Variants in PANK1 observed in about 807,000 individuals in gnomAD.
PANK1 encodes pantothenic acid kinase 1.
Under a neutral mutation model 40.1 loss-of-function variants are expected in PANK1, and 18 were observed. The ratio of observed to expected loss-of-function variants is 0.45; its 90% CI spans 0.31 to 0.67. The LOEUF (loss-of-function observed/expected upper bound fraction) is 0.67. Ranked by LOEUF, PANK1 falls within the 30% of genes least tolerant of loss-of-function variation. The probability of loss-of-function intolerance (pLI) is 0.06; values close to 1 mark genes in which losing one functional copy is unlikely to be tolerated. For synonymous variants in PANK1, 242 were observed against 237.7 expected (o/e 1.02, Z -0.17); for missense variants, 457 against 599.6 (o/e 0.76, Z 2.48).
intron 1 of PANK1, among the ~76,000 whole-genome samples, chr10:89,619,130 A>G (rs1845406793): frequency 6.6e-6 from 1 of 152,268 alleles, no homozygotes; most frequent in Admixed American, 6.5e-5. Flanking sequence ...ATTTCTGTCT[A>G]AAAATTTCTT....
chr10:89,607,611 A>G lies in PANK1; in HGVS notation c.645+4085T>C, dbSNP rs12573380. Among the ~76,000 whole-genome samples, 25 of 152,378 alleles carry G rather than the reference A, an allele frequency of 1.6e-4. No homozygotes were observed. In the East Asian group the frequency reaches 4.6e-3, roughly 28 times the overall value. On this transcript the variant is annotated intron_variant, in intron 2 of 6. Coordinates refer to ENST00000307534, the MANE Select transcript of PANK1 (RefSeq NM_148977.3). ...TACAACAAGGTATGCCTGTATTGCA[A>G]TGAAAAGCTATATGGGCAGAATTAA... is the stretch of plus-strand genomic sequence containing the variant.
At position 89,595,442 on chromosome 10, in the gene PANK1, G is replaced by A. The variant is rs529259500; in HGVS notation, c.900-1453C>T. 4.6e-5 allele frequency among the ~76,000 whole-genome samples: 7 copies of A among 151,384 alleles called. No individual in the cohort carries two copies. In the East Asian group the frequency reaches 5.9e-4, roughly 13 times the overall value. On this transcript the variant is annotated intron_variant, in intron 3 of 6. Transcript: ENST00000307534. The stretch of plus-strand genomic sequence containing the variant: ...CTCCAGCCTGGGCGACAGACACAGC[G>A]AGACTCCATCTCAAAAAATAATAAA...
chr10:89,586,924 C>G (rs1049575165), intron 6 of PANK1, among the ~76,000 whole-genome samples: 2 of 151,980 alleles, frequency 1.3e-5, no homozygotes, highest in African/African-American at 2.4e-5. Flanking sequence ...GTCAGGAGTT[C>G]GAGACCATCC....
At chr10:89,603,746 G>A (rs897788520) in intron 2 of PANK1, among the ~76,000 whole-genome samples, 1 of 152,140 alleles carries the variant, frequency 6.6e-6, no homozygotes, top group African/African-American at 2.4e-5. Flanking sequence ...TCACCTGGAG[G>A]GTTGGTTAAA....
chr10:89,639,078 C>T, intron 1 of PANK1: 1 of 283,330 alleles, frequency 3.5e-6, no homozygotes, highest in Non-Finnish European at 7.7e-6. Context: ...TGTCTTTGTC[C>T]AGTTTGTGTT....
At chr10:89,597,452 A>T (rs1844645735) in intron 3 of PANK1, among the ~76,000 whole-genome samples, 1 of 152,218 alleles carries the variant, frequency 6.6e-6, no homozygotes. Flanking sequence ...GAGAGTTTAT[A>T]GGGAAGCTTG....
chr10:89,602,739 C>G (rs1844824486), intron 2 of PANK1, among the ~76,000 whole-genome samples: 1 of 152,162 alleles, frequency 6.6e-6, no homozygotes, highest in Non-Finnish European at 1.5e-5. Flanking sequence ...AAGGCCTTGA[C>G]TAGATGTAGA....
chr10:89,624,992 A>G lies in PANK1; in HGVS notation c.293-12944T>C, dbSNP rs534978783. Among the ~76,000 whole-genome samples the G allele has an allele frequency of 5.0e-4, 76 of 152,314 alleles. 1 individual carries two copies. Among genetic ancestry groups the G allele is most frequent in the Middle Eastern group, 3.4e-3 (1 of 294 alleles). On this transcript the variant is annotated intron_variant, in intron 1 of 6. Coordinates refer to ENST00000307534, the MANE Select transcript of PANK1 (RefSeq NM_148977.3). ...CAGCTCACTGCAGCCTCAACTTCCC[A>G]GGCTCAAGTGATCCTCCCACCTCAG... is the stretch of plus-strand genomic sequence containing the variant.
At chr10:89,628,541 A>G (rs1229564670) in intron 1 of PANK1, among the ~76,000 whole-genome samples, 1 of 152,200 alleles carries the variant, frequency 6.6e-6, no homozygotes, top group African/African-American at 2.4e-5. Flanking sequence ...GAAAAAGAGG[A>G]GTGACTGCTA....
intron 5 of PANK1, among the ~76,000 whole-genome samples, chr10:89,590,723 C>T (rs898660085): frequency 1.2e-4 from 18 of 151,988 alleles, no homozygotes; most frequent in Middle Eastern, 3.4e-3. Context: ...TGTTAAAATG[C>T]TATATGGCCA....
intron 2 of PANK1, 51 bp downstream of exon 2, chr10:89,611,645 T>G (rs1169462242): frequency 2.2e-6 from 3 of 1,346,930 alleles, no homozygotes; most frequent in Non-Finnish European, 3.1e-6. Flanking sequence ...TGGCCATGAT[T>G]ATGGACATGT....
chr10:89,614,115 T>C, intron 1 of PANK1: 7 of 438,522 alleles, frequency 1.6e-5, no homozygotes, highest in South Asian at 1.1e-4. Flanking sequence ...TCCCTGGAAA[T>C]ATACTATGGC....
rs10881609 is a variant in PANK1, at chr10:89,615,072, G to A, written c.293-3024C>T. On this transcript the variant is annotated intron_variant, in intron 1 of 6. Coordinates refer to ENST00000307534, the MANE Select transcript of PANK1 (RefSeq NM_148977.3). ...ATTTACAGGAGTGGCAGAATGAGCA[G>A]GTTGTATAGTTGGTGGCTAGAGATC... Among the ~76,000 whole-genome samples the A allele has an allele frequency of 4.1e-4, 62 of 152,284 alleles. No individual in the cohort carries two copies. In the East Asian group the frequency reaches 9.2e-3, roughly 23 times the overall value.
chr10:89,644,979 TC>T lies in PANK1; in HGVS notation c.-89del. On this transcript the variant is annotated 5_prime_UTR_variant, in exon 1 of 7. Coordinates refer to ENST00000307534, the MANE Select transcript of PANK1 (RefSeq NM_148977.3). ...CCGGCGTCTTTATTTCCCCGGATCC[TC>T]CCTGCGGCTTCCGATTCAGCAGCCG... 2 of 1,576,462 alleles carry T rather than the reference TC, an allele frequency of 1.3e-6. No homozygotes were observed. The highest frequency in any genetic ancestry group is 1.7e-6 in the Non-Finnish European group (2 of 1,164,446).
At chr10:89,611,084 A>C (rs7087473) in intron 2 of PANK1, among the ~76,000 whole-genome samples, 1 of 152,008 alleles carries the variant, frequency 6.6e-6, no homozygotes, top group South Asian at 2.1e-4. Context: ...ACAGTTTGTA[A>C]GTACTGCCAG....
At chr10:89,620,237 G>C (rs1053740785) in intron 1 of PANK1, among the ~76,000 whole-genome samples, 1 of 152,178 alleles carries the variant, frequency 6.6e-6, no homozygotes, top group Non-Finnish European at 1.5e-5. Context: ...CGATTTTCAG[G>C]GAACAAGGGA....
chr10:89,627,031 A>G (rs10881612), intron 1 of PANK1, among the ~76,000 whole-genome samples: 34,297 of 152,126 alleles, frequency 0.23, 4,154 homozygotes, highest in East Asian at 0.49. Context: ...TTGTTCATTT[A>G]TTTCTTAACT....
intron 5 of PANK1, among the ~76,000 whole-genome samples, chr10:89,590,520 G>A (rs974638513): frequency 2.0e-5 from 3 of 152,152 alleles, no homozygotes; most frequent in East Asian, 1.9e-4. Context: ...CAACATATCC[G>A]ATGACTCAGC....
chr10:89,633,178 C>T (rs1841702205), intron 1 of PANK1, among the ~76,000 whole-genome samples: 1 of 151,992 alleles, frequency 6.6e-6, no homozygotes, highest in Non-Finnish European at 1.5e-5. Flanking sequence ...AAGTTATCAG[C>T]ATAAGGATAC....
Sources: allele counts gnomAD v4.1 joint callset (sites outside exome capture counted in the v4.1 genomes callset), GRCh38; gene constraint gnomAD v4.1.1; transcripts MANE v1.5; gene names NCBI Gene and HGNC (gene_info 2026-07-23, HGNC 2026-07-21).